The following ZSCAN31 variants were observed in gnomAD, a reference collection of about 807,000 sequenced individuals.
The protein encoded by ZSCAN31 is zinc finger and SCAN domain-containing protein 31.
A neutral mutation model predicts 22.5 loss-of-function variants in ZSCAN31; 14 were observed. That is an observed-to-expected ratio of 0.62 (90% CI 0.41 to 0.97). The LOEUF (loss-of-function observed/expected upper bound fraction) is 0.97. Ranked by LOEUF, ZSCAN31 falls within the 50% of genes least tolerant of loss-of-function variation. The pLI is 0.00. For missense variants in ZSCAN31, 424 were observed against 483.4 expected, an observed-to-expected ratio of 0.88 and a Z score of 1.15; for synonymous variants, 168 against 169.8, an observed-to-expected ratio of 0.99 and a Z score of 0.08.
chr6:28,343,687 G>A (rs190310333), intron 2 of ZSCAN31, among the ~76,000 whole-genome samples: 3 of 151,482 alleles, frequency 2.0e-5, no homozygotes, highest in Non-Finnish European at 2.9e-5. Context: ...CACCATGCCC[G>A]GCTAATATTT....
Position 28,325,306 on chromosome 6 carries a change from G to A in ZSCAN31, c.*860C>T, listed in dbSNP as rs896439631. 7.9e-5 allele frequency: 12 copies of A among 152,136 alleles called. No homozygotes were observed. The highest frequency in any genetic ancestry group is 1.3e-4 in the Non-Finnish European group (9 of 68,034). The allele number at this position is 152,136 out of a possible 1,614,324, so 9.4% of individuals were successfully genotyped here. ...GACATAAAAGGCTATGAATTAAAGA[G>A]GTACCTTGTGAAGAACAGAGATTTT... On this transcript the variant is annotated 3_prime_UTR_variant, in exon 4 of 4. Coordinates refer to ENST00000344279, the MANE Select transcript of ZSCAN31 (RefSeq NM_030899.5).
rs1335578712 is a variant in ZSCAN31, at chr6:28,349,471, T to A, written c.-371+4391A>T. ...TCATAATTTGAGTGTTAGATTATCT[T>A]GGATTTTTTATGTAAACCACGCAGC... On this transcript the variant is annotated intron_variant, in intron 2 of 7. Coordinates refer to the ZSCAN31 transcript ENST00000396838. The surrounding 1 kb of genome is among the most constrained non-coding windows in gnomAD (Gnocchi z 4.1). 2.6e-5 allele frequency among the ~76,000 whole-genome samples: 4 copies of A among 152,170 alleles called. No homozygotes were observed. The highest frequency in any genetic ancestry group is 9.7e-5 in the African/African-American group (4 of 41,434).
At chr6:28,329,088 C>G (rs369661076) in intron 2 of ZSCAN31, among the ~76,000 whole-genome samples, 1 of 152,160 alleles carries the variant, frequency 6.6e-6, no homozygotes, top group African/African-American at 2.4e-5. Context: ...GCTGAGGCCC[C>G]CTACCAACAA....
chr6:28,329,691 G>T lies in ZSCAN31; in HGVS notation c.-8C>A, dbSNP rs539889694. The T allele has an allele frequency of 9.4e-6, 15 of 1,601,114 alleles. No homozygotes were observed. The African/African-American group carries it at 1.9e-4, about 20-fold the overall frequency. On this transcript the variant is annotated 5_prime_UTR_variant, in exon 2 of 4. Coordinates refer to ENST00000344279, the MANE Select transcript of ZSCAN31 (RefSeq NM_030899.5). ...TTCCTCTGTTGAAGCCATTCCTGGG[G>T]TTAATTTGGAAGGCTTACTCTGGCT... is the stretch of plus-strand genomic sequence containing the variant.
chr6:28,344,158 C>T (rs950955745), intron 2 of ZSCAN31, among the ~76,000 whole-genome samples: 1 of 152,120 alleles, frequency 6.6e-6, no homozygotes, highest in Non-Finnish European at 1.5e-5. Context: ...TCTACAGAAG[C>T]AGGGAAATAT....
intron 3 of ZSCAN31, among the ~76,000 whole-genome samples, 183 bp downstream of exon 3, chr6:28,327,200 C>T (rs1353842852): frequency 2.0e-5 from 3 of 152,160 alleles, no homozygotes; most frequent in Non-Finnish European, 4.4e-5. Context: ...TGATTATCCC[C>T]ACTTCAAATA....
upstream of ZSCAN31, chr6:28,355,984 A>T (rs1182005905): frequency 6.6e-6 from 1 of 152,300 alleles, no homozygotes; most frequent in Non-Finnish European, 1.5e-5. Context: ...TCCACAGTGC[A>T]TAAGCAGGGA....
chr6:28,345,299 A>G (rs1764602438), intron 2 of ZSCAN31, among the ~76,000 whole-genome samples: 1 of 152,182 alleles, frequency 6.6e-6, no homozygotes, highest in African/African-American at 2.4e-5. Flanking sequence ...AATATTCACC[A>G]TGGAAAAGGC....
intron 2 of ZSCAN31, among the ~76,000 whole-genome samples, chr6:28,328,768 C>T (rs938956376): frequency 1.3e-5 from 2 of 152,138 alleles, no homozygotes; most frequent in African/African-American, 4.8e-5. Flanking sequence ...GAAATCTTTA[C>T]AATTTATGTT....
At chr6:28,339,333 A>G (rs1764321889), upstream of ZSCAN31, among the ~76,000 whole-genome samples, 1 of 152,008 alleles carries the variant, frequency 6.6e-6, no homozygotes, top group African/African-American at 2.4e-5. Flanking sequence ...GTCATGCTCT[A>G]TTTCCCAGGA....
At chr6:28,348,818 G>C (rs1764758625) in intron 2 of ZSCAN31, among the ~76,000 whole-genome samples, 1 of 152,014 alleles carries the variant, frequency 6.6e-6, no homozygotes, top group Non-Finnish European at 1.5e-5. Flanking sequence ...ATTTAGGAAG[G>C]AATGATATCT....
chr6:28,327,583 A>G (rs1157711559), intron 2 of ZSCAN31, 50 bp from the exon 3 acceptor site: 9 of 1,561,580 alleles, frequency 5.8e-6, no homozygotes, highest in Non-Finnish European at 7.8e-6. Flanking sequence ...ATAGGAGTAC[A>G]AGCTAATACT....
upstream of ZSCAN31, among the ~76,000 whole-genome samples, chr6:28,338,088 A>G (rs1764272323): frequency 1.2e-5 from 1 of 86,008 alleles, no homozygotes; most frequent in Non-Finnish European, 2.3e-5. Context: ...AAGAAAAAAA[A>G]CAAAAATGGA....
In ZSCAN31 at chr6:28,341,566, G is replaced by A. The variant is rs936334439; in HGVS notation, c.-324+180C>T. 3.3e-5 allele frequency among the ~76,000 whole-genome samples: 5 copies of A among 152,122 alleles called. No homozygotes were observed. The East Asian group carries it at 7.7e-4, about 23-fold the overall frequency. On this transcript the variant is annotated intron_variant, in intron 3 of 7. Coordinates refer to the ZSCAN31 transcript ENST00000396838. ...TAGGTTTAAACATAAGAATTTTGGG[G>A]GAACACAAACTTCAGACCATAGGAC...
rs138032457 is a variant in ZSCAN31, at chr6:28,348,769, T to C, written c.-371+5093A>G. Among the ~76,000 whole-genome samples the C allele has an allele frequency of 1.6e-3, 244 of 152,264 alleles. 1 individual carries two copies. The highest frequency in any genetic ancestry group is 5.7e-3 in the African/African-American group (235 of 41,562). ...ACTAGTCAAGTTCCACTGAGCACAA[T>C]TGGAATCTTGATTTGCTTTGTACTG... On this transcript the variant is annotated intron_variant, in intron 2 of 7. Transcript: ENST00000396838.
chr6:28,344,180 A>G (rs1341681756), intron 2 of ZSCAN31, among the ~76,000 whole-genome samples: 13 of 152,200 alleles, frequency 8.5e-5, no homozygotes, highest in Non-Finnish European at 2.9e-5. Context: ...TTCAATGAAG[A>G]TGTAAGTGGA....
At chr6:28,337,474 G>A (rs1365996807), upstream of ZSCAN31, among the ~76,000 whole-genome samples, 1 of 152,200 alleles carries the variant, frequency 6.6e-6, no homozygotes, top group Non-Finnish European at 1.5e-5. Flanking sequence ...TAGAGAGAGT[G>A]AGGGCCTGAA....
In ZSCAN31 at chr6:28,326,392, A is replaced by C; in HGVS notation, c.995T>G (p.Phe332Cys). ...CTGAACAAGGCATGAGCTGAGGAGG[A>C]AAGCCTTCCCACACACTTTGCATTC... ...PYECKVCGKA[F>C]LLSSCLVQHQ... The change falls in exon 4 of 4, where the codon TTC (phenylalanine) becomes TGC (cysteine). Residue 332 changes from phenylalanine to cysteine, a missense_variant. Coordinates refer to ENST00000344279, the MANE Select transcript of ZSCAN31 (RefSeq NM_030899.5). 1 of 1,614,142 alleles carries C rather than the reference A, an allele frequency of 6.2e-7. No individual in the cohort carries two copies. The highest frequency in any genetic ancestry group is 8.5e-7 in the Non-Finnish European group (1 of 1,179,990).
chr6:28,327,972 C>T (rs1763427250), intron 2 of ZSCAN31, among the ~76,000 whole-genome samples: 1 of 152,072 alleles, frequency 6.6e-6, no homozygotes, highest in African/African-American at 2.4e-5. Context: ...GCTGGGTGTC[C>T]AGGGAAGACA....
Sources: gnomAD v4.1 joint callset for allele counts (sites outside exome capture counted in the v4.1 genomes callset) on GRCh38, gnomAD v4.1.1 for gene constraint, Gnocchi (gnomAD v3.1) non-coding constraint, MANE v1.5 for transcripts, NCBI Gene and HGNC (gene_info 2026-07-23, HGNC 2026-07-21) for gene names.